Variants in MACROD2 observed in about 807,000 individuals in gnomAD.
The protein encoded by MACROD2 is mono-ADP ribosylhydrolase 2, also known as ADP-ribose glycohydrolase MACROD2.
A neutral mutation model predicts 70.4 loss-of-function variants in MACROD2; 36 were observed. The observed-to-expected ratio is 0.51, with a 90% confidence interval of 0.39 to 0.68. MACROD2 has a LOEUF of 0.68. MACROD2 is among the 30% of genes least tolerant of loss of function. The probability of loss-of-function intolerance (pLI) is 0.00; values close to 1 mark genes in which losing one functional copy is unlikely to be tolerated. For synonymous variants in MACROD2, 172 were observed against 178.8 expected, an observed-to-expected ratio of 0.96 and a Z score of 0.30; for missense variants, 496 against 538.4, an observed-to-expected ratio of 0.92 and a Z score of 0.78.
At chr20:14,348,268 C>CAAAAAA (rs545110146) in intron 3 of MACROD2, among the ~76,000 whole-genome samples, 24 of 73,942 alleles carry the variant, frequency 3.2e-4, no homozygotes, top group South Asian at 1.0e-3. Context: ...GACTCCGTCT[C>CAAAAAA]AAAAAAAAAA....
chr20:15,656,726 A>G (rs1317205329), intron 8 of MACROD2, among the ~76,000 whole-genome samples: 1 of 152,198 alleles, frequency 6.6e-6, no homozygotes, highest in African/African-American at 2.4e-5. Context: ...GCTAAATGCA[A>G]CACAGCCCTA....
intron 8 of MACROD2, among the ~76,000 whole-genome samples, chr20:15,715,181 T>C (rs943803314): frequency 3.3e-5 from 5 of 152,144 alleles, no homozygotes; most frequent in African/African-American, 1.2e-4. Context: ...TTTATAATGA[T>C]GAGAAAACCA....
chr20:16,003,575 G>T (rs557635257), intron 15 of MACROD2, among the ~76,000 whole-genome samples: 1 of 152,198 alleles, frequency 6.6e-6, no homozygotes, highest in Non-Finnish European at 1.5e-5. Flanking sequence ...AGTTGAATGT[G>T]CATGAAATCA....
intron 15 of MACROD2, among the ~76,000 whole-genome samples, chr20:16,029,566 A>G (rs1293420314): frequency 6.6e-6 from 1 of 152,156 alleles, no homozygotes; most frequent in Non-Finnish European, 1.5e-5. Context: ...AAAGGAAGGC[A>G]CCTTTCTGGA....
At chr20:14,364,370 G>A (rs1373154160) in intron 3 of MACROD2, among the ~76,000 whole-genome samples, 2 of 152,100 alleles carry the variant, frequency 1.3e-5, no homozygotes, top group Non-Finnish European at 2.9e-5. Flanking sequence ...ATCTTACAAA[G>A]GTTTAGTTTT....
At chr20:14,874,526 A>G (rs2073527168) in intron 5 of MACROD2, among the ~76,000 whole-genome samples, 1 of 151,780 alleles carries the variant, frequency 6.6e-6, no homozygotes, top group African/African-American at 2.4e-5. Flanking sequence ...TATTAGAATA[A>G]GCAAGCATTG....
intron 3 of MACROD2, among the ~76,000 whole-genome samples, chr20:14,095,806 C>T (rs1323358577): frequency 1.3e-5 from 2 of 152,098 alleles, no homozygotes; most frequent in Non-Finnish European, 2.9e-5. Flanking sequence ...GACTATAGGT[C>T]AGTTAGTGAA....
At chr20:14,188,456 A>G (rs1482302024) in intron 3 of MACROD2, among the ~76,000 whole-genome samples, 1 of 152,160 alleles carries the variant, frequency 6.6e-6, no homozygotes, top group African/African-American at 2.4e-5. Flanking sequence ...TCCAAAGCTT[A>G]TTCTAAAGAT....
chr20:14,468,443 T>C (rs953273156), intron 3 of MACROD2, among the ~76,000 whole-genome samples: 12 of 151,724 alleles, frequency 7.9e-5, no homozygotes, highest in Non-Finnish European at 1.6e-4. Context: ...CCCTGCTTTT[T>C]TTTTTTTTGC....
At chr20:14,413,901 C>T (rs2083775687) in intron 3 of MACROD2, among the ~76,000 whole-genome samples, 1 of 10,108 alleles carries the variant, frequency 9.9e-5, no homozygotes, top group African/African-American at 1.1e-4. Context: ...TACTCAGTGT[C>T]TACCTTTGTT....
chr20:15,144,886 A>G (rs189707864), intron 5 of MACROD2, among the ~76,000 whole-genome samples: 136 of 152,264 alleles, frequency 8.9e-4, no homozygotes, highest in Non-Finnish European at 1.5e-4. Flanking sequence ...TATATACTAT[A>G]CTTACTATAT....
intron 5 of MACROD2, among the ~76,000 whole-genome samples, chr20:15,175,959 A>G (rs2076458127): frequency 6.6e-6 from 1 of 152,202 alleles, no homozygotes; most frequent in Non-Finnish European, 1.5e-5. Flanking sequence ...AGGCCTGGGA[A>G]GCCCTCCTGC....
At chr20:15,011,302 G>A (rs2075080682) in intron 5 of MACROD2, among the ~76,000 whole-genome samples, 1 of 152,160 alleles carries the variant, frequency 6.6e-6, no homozygotes, top group Admixed American at 6.5e-5. Flanking sequence ...AAGAGAGAAG[G>A]AAAGAGAGAG....
At chr20:14,386,287 T>A (rs1457185720) in intron 3 of MACROD2, among the ~76,000 whole-genome samples, 1 of 152,230 alleles carries the variant, frequency 6.6e-6, no homozygotes, top group Non-Finnish European at 1.5e-5. Context: ...CTTGTAGAAT[T>A]CATGGTTTTC....
intron 5 of MACROD2, among the ~76,000 whole-genome samples, chr20:14,840,804 A>G (rs1378520876): frequency 6.6e-6 from 1 of 152,030 alleles, no homozygotes; most frequent in Non-Finnish European, 1.5e-5. Flanking sequence ...AGCTCATCAC[A>G]GTGTTCTATA....
At chr20:14,979,037 G>A (rs574632651) in intron 5 of MACROD2, among the ~76,000 whole-genome samples, 2 of 148,936 alleles carry the variant, frequency 1.3e-5, no homozygotes, top group East Asian at 2.0e-4. Flanking sequence ...CTGCAACCTC[G>A]GACTCCTGGG....
intron 5 of MACROD2, among the ~76,000 whole-genome samples, chr20:14,735,353 T>A (rs990715833): frequency 1.3e-5 from 2 of 152,082 alleles, no homozygotes; most frequent in Admixed American, 6.6e-5. Flanking sequence ...AAAGAAGGTA[T>A]ACGAATGGCC....
chr20:14,663,090 C>T (rs1274732025), intron 4 of MACROD2, among the ~76,000 whole-genome samples: 1 of 152,012 alleles, frequency 6.6e-6, no homozygotes, highest in Non-Finnish European at 1.5e-5. Context: ...CCTAAATGCC[C>T]ATCAGTGGTA....
chr20:14,897,371 A>C (rs1304328324), intron 5 of MACROD2, among the ~76,000 whole-genome samples: 1 of 152,172 alleles, frequency 6.6e-6, no homozygotes, highest in African/African-American at 2.4e-5. Context: ...ATTAGTTCTT[A>C]TAATAATATA....
Sources: gnomAD v4.1 joint callset for allele counts (sites outside exome capture counted in the v4.1 genomes callset) on GRCh38, gnomAD v4.1.1 for gene constraint, MANE v1.5 for transcripts, NCBI Gene and HGNC (gene_info 2026-07-23, HGNC 2026-07-21) for gene names.